ESYT2: variants seen among roughly 807,000 people sequenced by gnomAD.
ESYT2 encodes the protein extended synaptotagmin-2.
A neutral mutation model predicts 107.2 loss-of-function variants in ESYT2; 54 were observed. The observed-to-expected ratio is 0.50, with a 90% CI of 0.40 to 0.63. The LOEUF is 0.63. ESYT2 is among the 30% of genes least tolerant of loss of function. ESYT2 has a pLI of 0.00. For synonymous variants in ESYT2, 491 were observed against 434.1 expected, an observed-to-expected ratio of 1.13 and a Z score of -1.63; for missense variants, 1,020 against 1,094.5, an observed-to-expected ratio of 0.93 and a Z score of 0.96.
intron 16 of ESYT2, among the ~76,000 whole-genome samples, 181 bp downstream of exon 16, chr7:158,748,013 C>T (rs576772305): frequency 6.6e-6 from 1 of 152,144 alleles, no homozygotes; most frequent in South Asian, 2.1e-4. Context: ...CTACAGTGAC[C>T]AAAGGCAGGT....
chr7:158,751,549 T>C (rs1308964489), intron 14 of ESYT2, among the ~76,000 whole-genome samples: 2 of 152,214 alleles, frequency 1.3e-5, no homozygotes, highest in Admixed American at 6.5e-5. Context: ...GAACCTCAGT[T>C]TGCATGTTTA....
intron 1 of ESYT2, among the ~76,000 whole-genome samples, chr7:158,825,669 A>T (rs1402996397): frequency 6.6e-6 from 1 of 152,236 alleles, no homozygotes; most frequent in South Asian, 2.1e-4. Context: ...TAAGAAGAAA[A>T]GCTGTCAGTG....
At position 158,731,485 on chromosome 7, in the gene ESYT2, T is replaced by A. The variant is rs982289890; in HGVS notation, c.*2722A>T. On this transcript the variant is annotated 3_prime_UTR_variant, in exon 23 of 23. Transcript: ENST00000275418. ...CCACGCCCGGCTAATTTTTGTATTT[T>A]TAGTAAAGATGGGGTTTCTCCATGT... The A allele has an allele frequency of 6.6e-6, 1 of 152,258 alleles. No individual in the cohort carries two copies. The highest frequency in any genetic ancestry group is 2.4e-5 in the African/African-American group (1 of 41,428). The allele number at this position is 152,258 out of a possible 1,614,324, so 9.4% of individuals were successfully genotyped here.
At position 158,829,248 on chromosome 7, in the gene ESYT2, C is replaced by A; in HGVS notation, c.171G>T (p.Gly57=). ...CGAGGAGAACCCAGCTGAAGCTGAG[C>A]CCCAGGTAGCCCAGCGCGTACACGG... ...LLPVYALGYL[G]LSFSWVLLAL... is the part of the protein sequence containing the mutation. The change falls in exon 1 of 23, where the codon GGG becomes GGT. Residue 57 remains glycine (G), a synonymous_variant. Coordinates refer to ENST00000275418, the MANE Select transcript of ESYT2 (RefSeq NM_001367773.1). The A allele has an allele frequency of 6.6e-7, 1 of 1,526,608 alleles. No individual in the cohort carries two copies. The highest frequency in any genetic ancestry group is 1.9e-4 in the Middle Eastern group (1 of 5,194). 94.6% of individuals were successfully genotyped at this position (1,526,608 alleles called of 1,614,324 possible).
At chr7:158,824,458 C>A (rs191672842) in intron 1 of ESYT2, among the ~76,000 whole-genome samples, 5 of 152,296 alleles carry the variant, frequency 3.3e-5, no homozygotes, top group Admixed American at 2.6e-4. Flanking sequence ...CATGAGATCA[C>A]AGTGCATTAT....
intron 1 of ESYT2, among the ~76,000 whole-genome samples, chr7:158,813,717 C>T (rs1291690862): frequency 6.6e-6 from 1 of 152,116 alleles, no homozygotes; most frequent in Non-Finnish European, 1.5e-5. Flanking sequence ...GAAACAAAGA[C>T]CAAGGGAGAG....
chr7:158,782,989 G>A (rs1295489658), intron 6 of ESYT2, among the ~76,000 whole-genome samples: 1 of 152,216 alleles, frequency 6.6e-6, no homozygotes, highest in East Asian at 1.9e-4. Context: ...GCTTTAGAAG[G>A]CGCCTTTGGA....
chr7:158,799,991 T>C (rs879437156), intron 1 of ESYT2, among the ~76,000 whole-genome samples: 3 of 152,176 alleles, frequency 2.0e-5, no homozygotes, highest in Non-Finnish European at 4.4e-5. Flanking sequence ...TAACTTACAT[T>C]AGACATGTTT....
At chr7:158,779,582 C>T (rs11971753) in intron 6 of ESYT2, among the ~76,000 whole-genome samples, 16,454 of 152,136 alleles carry the variant, frequency 0.11, 1,347 homozygotes, top group East Asian at 0.43. Flanking sequence ...CTAGATAAGC[C>T]AAGGACAGAA....
intron 3 of ESYT2, among the ~76,000 whole-genome samples, chr7:158,795,821 T>C (rs34007758): frequency 5.9e-5 from 7 of 117,654 alleles, no homozygotes; most frequent in Non-Finnish European, 1.1e-4. Flanking sequence ...ACGGGCGTCC[T>C]GTGTAGAGAC....
chr7:158,772,645 G>A (rs554721631), intron 7 of ESYT2, among the ~76,000 whole-genome samples: 3 of 152,212 alleles, frequency 2.0e-5, no homozygotes, highest in Admixed American at 1.3e-4. Flanking sequence ...ACTGTTTCAG[G>A]TAATGGCACC....
intron 3 of ESYT2, among the ~76,000 whole-genome samples, chr7:158,795,545 A>G (rs373829616): frequency 3.3e-5 from 5 of 152,150 alleles, no homozygotes; most frequent in African/African-American, 1.2e-4. Flanking sequence ...GCTGTAGAAG[A>G]AGGGAGGGAG....
At chr7:158,773,801 T>A (rs979673352) in intron 6 of ESYT2, among the ~76,000 whole-genome samples, 1 of 152,230 alleles carries the variant, frequency 6.6e-6, no homozygotes, top group African/African-American at 2.4e-5. Flanking sequence ...TCATTTTTAA[T>A]GTCAATAGAT....
At chr7:158,764,971 C>T (rs1022505177) in intron 8 of ESYT2, 118 bp from the exon 9 acceptor site, 1 of 984,126 alleles carries the variant, frequency 1.0e-6, no homozygotes, top group African/African-American at 1.6e-5. Flanking sequence ...AATAAAGACC[C>T]TCTTCTGGTG....
chr7:158,797,281 C>T (rs1290205114), intron 3 of ESYT2, among the ~76,000 whole-genome samples: 1 of 151,920 alleles, frequency 6.6e-6, no homozygotes, highest in Non-Finnish European at 1.5e-5. Context: ...CTATGTAGTT[C>T]TGACCATATA....
intron 6 of ESYT2, among the ~76,000 whole-genome samples, chr7:158,779,146 A>G (rs1029027319): frequency 3.3e-5 from 5 of 152,214 alleles, no homozygotes; most frequent in African/African-American, 1.2e-4. Context: ...AATCTGAAAG[A>G]TGGCTTCTTG....
At chr7:158,774,042 C>T (rs1482812465) in intron 6 of ESYT2, among the ~76,000 whole-genome samples, 3 of 152,230 alleles carry the variant, frequency 2.0e-5, no homozygotes, top group African/African-American at 4.8e-5. Flanking sequence ...AGTTAGCTAA[C>T]ATTCCATTAA....
chr7:158,797,860 A>G, intron 3 of ESYT2, 82 bp downstream of exon 3: 1 of 1,553,352 alleles, frequency 6.4e-7, no homozygotes, highest in Non-Finnish European at 8.7e-7. Context: ...TCTCAAGAAA[A>G]AAAAAAAAAG....
intron 13 of ESYT2, among the ~76,000 whole-genome samples, chr7:158,753,858 G>A (rs758073224): frequency 2.0e-5 from 3 of 152,106 alleles, no homozygotes; most frequent in Admixed American, 6.5e-5. Flanking sequence ...ATGAGGATGA[G>A]AACTCTGCTG....
Sources: gnomAD v4.1 joint callset for allele counts (sites outside exome capture counted in the v4.1 genomes callset) on GRCh38, gnomAD v4.1.1 for gene constraint, MANE v1.5 for transcripts, NCBI Gene and HGNC (gene_info 2026-07-23, HGNC 2026-07-21) for gene names.